Variants in HPSE2 observed in about 807,000 individuals in gnomAD.
HPSE2 encodes the protein heparanase 2 (inactive).
A neutral mutation model predicts 60.5 loss-of-function variants in HPSE2; 38 were observed. The observed-to-expected ratio is 0.63, with a 90% CI of 0.48 to 0.82. The LOEUF is 0.82. HPSE2 is among the 40% of genes least tolerant of loss of function. The probability of loss-of-function intolerance (pLI) is 0.00; values close to 1 mark genes in which losing one functional copy is unlikely to be tolerated. For missense variants in HPSE2, 713 were observed against 740.4 expected (o/e 0.96, Z 0.43); for synonymous variants, 295 against 293.2 (o/e 1.01, Z -0.06).
intron 5 of HPSE2, among the ~76,000 whole-genome samples, chr10:98,694,802 C>G (rs189791584): frequency 4.6e-5 from 7 of 152,310 alleles, no homozygotes; most frequent in Admixed American, 3.9e-4. Flanking sequence ...ATGGTTATAA[C>G]TACTAGTTGA....
intron 3 of HPSE2, among the ~76,000 whole-genome samples, chr10:98,758,144 G>T (rs927976167): frequency 6.6e-6 from 1 of 152,032 alleles, no homozygotes. Flanking sequence ...ATATGCAGAA[G>T]ATTGAAACTG....
At chr10:98,514,579 C>T (rs1942528713) in intron 9 of HPSE2, among the ~76,000 whole-genome samples, 1 of 152,086 alleles carries the variant, frequency 6.6e-6, no homozygotes, top group Non-Finnish European at 1.5e-5. Context: ...GAGATAATCA[C>T]AGATTTGTTC....
At position 99,091,270 on chromosome 10, in the gene HPSE2, T is replaced by C. The variant is rs114156266; in HGVS notation, c.610+52968A>G. ...TTTCGCACTCAAAGAGACATAGAACTACAACTAAACTTATTAAATGCCTAT... is the reference window on the plus strand; with the variant it reads ...TTTCGCACTCAAAGAGACATAGAACCACAACTAAACTTATTAAATGCCTAT... On this transcript the variant is annotated intron_variant, in intron 3 of 11. Coordinates refer to ENST00000370552, the MANE Select transcript of HPSE2 (RefSeq NM_021828.5). 4.5e-3 allele frequency among the ~76,000 whole-genome samples: 687 copies of C among 152,240 alleles called. 3 individuals are homozygous for C. Among genetic ancestry groups the C allele is most frequent in the African/African-American group, 0.016 (657 of 41,554 alleles).
intron 3 of HPSE2, among the ~76,000 whole-genome samples, chr10:99,110,106 T>C (rs1213231111): frequency 6.6e-6 from 1 of 152,236 alleles, no homozygotes; most frequent in African/African-American, 2.4e-5. Context: ...TATTAGTTCG[T>C]TGGTTTTTCC....
chr10:99,060,928 T>C (rs932587831), intron 3 of HPSE2, among the ~76,000 whole-genome samples: 53 of 152,084 alleles, frequency 3.5e-4, no homozygotes, highest in African/African-American at 1.2e-3. Flanking sequence ...AGTAGAATGA[T>C]GGTTATCAGA....
chr10:99,214,485 T>C (rs1290633253), intron 2 of HPSE2, among the ~76,000 whole-genome samples: 3 of 152,228 alleles, frequency 2.0e-5, no homozygotes, highest in Admixed American at 6.5e-5. Flanking sequence ...GGTATATTCA[T>C]ACAGTGGAAT....
At chr10:98,549,661 G>A (rs963518556) in intron 9 of HPSE2, among the ~76,000 whole-genome samples, 2 of 152,074 alleles carry the variant, frequency 1.3e-5, no homozygotes, top group Non-Finnish European at 2.9e-5. Flanking sequence ...TTCATCACTA[G>A]TAGACTTCCA....
the HPSE2 span, among the ~76,000 whole-genome samples, chr10:99,311,757 A>C: frequency 6.6e-6 from 1 of 152,258 alleles, no homozygotes; most frequent in African/African-American, 2.4e-5. Flanking sequence ...ATCAAAAGCT[A>C]GAAATAATTA....
intron 9 of HPSE2, among the ~76,000 whole-genome samples, chr10:98,585,371 A>G (rs1944910824): frequency 6.6e-6 from 1 of 151,470 alleles, no homozygotes; most frequent in African/African-American, 2.4e-5. Context: ...TCCCAGGTTC[A>G]AGTGATTCTT....
In HPSE2 at chr10:98,459,627, T is replaced by C. The variant is rs751055421; in HGVS notation, c.1726A>G (p.Met576Val). 41 of 1,614,000 alleles carry C rather than the reference T, an allele frequency of 2.5e-5. No individual in the cohort carries two copies. The highest frequency in any genetic ancestry group is 3.1e-5 in the Non-Finnish European group (37 of 1,180,026). The change falls in exon 12 of 12, where the codon ATG (methionine) becomes GTG (valine). Residue 576 changes from methionine (M) to valine (V), a missense_variant. Physicochemically the swap from Met to Val is conservative, Grantham distance 21 (BLOSUM62 1). Coordinates refer to ENST00000370552, the MANE Select transcript of HPSE2 (RefSeq NM_021828.5). ...ACATTCTTGACCACATAAAAGCCCA[T>C]GGTGACTGGAGGGATGACCAATGTC... ...GRTLVIPPVT[M>V]GFYVVKNVNA...
chr10:98,849,209 A>G (rs955387559), intron 3 of HPSE2, among the ~76,000 whole-genome samples: 1 of 152,186 alleles, frequency 6.6e-6, no homozygotes, highest in African/African-American at 2.4e-5. Context: ...CATGAAAGTT[A>G]ATGATACCTT....
intron 7 of HPSE2, among the ~76,000 whole-genome samples, chr10:98,621,059 A>G (rs903719276): frequency 6.6e-6 from 1 of 152,144 alleles, no homozygotes; most frequent in African/African-American, 2.4e-5. Context: ...TTGAGAAACA[A>G]TGCTTTTCAG....
intron 2 of HPSE2, among the ~76,000 whole-genome samples, chr10:99,192,622 T>C (rs993467356): frequency 3.3e-5 from 5 of 151,960 alleles, no homozygotes; most frequent in Admixed American, 2.6e-4. Context: ...TTATTTTGTA[T>C]AGATGGTGTT....
At chr10:99,035,942 T>A (rs1483005251) in intron 3 of HPSE2, among the ~76,000 whole-genome samples, 1 of 152,208 alleles carries the variant, frequency 6.6e-6, no homozygotes, top group Middle Eastern at 3.2e-3. Flanking sequence ...CTGAGCCTGG[T>A]GGCCTATGCC....
Position 99,112,492 on chromosome 10 carries a change from T to C in HPSE2, c.610+31746A>G, listed in dbSNP as rs190712625. ...TTTTAGTAGAGACGGGGTTTCACCATGTGAGCCAGGATGGTCTTGATCTCC... is the reference window on the plus strand; with the variant it reads ...TTTTAGTAGAGACGGGGTTTCACCACGTGAGCCAGGATGGTCTTGATCTCC... On this transcript the variant is annotated intron_variant, in intron 3 of 11. Transcript: ENST00000370552. Among the ~76,000 whole-genome samples the C allele has an allele frequency of 2.7e-3, 412 of 152,220 alleles. 1 individual carries two copies. The highest frequency in any genetic ancestry group is 9.7e-3 in the African/African-American group (401 of 41,516).
intron 6 of HPSE2, among the ~76,000 whole-genome samples, chr10:98,647,075 T>C (rs1946789930): frequency 1.3e-5 from 2 of 152,206 alleles, no homozygotes; most frequent in African/African-American, 2.4e-5. Flanking sequence ...GTTAGCAAGA[T>C]TACAGACTCC....
intron 3 of HPSE2, among the ~76,000 whole-genome samples, chr10:98,840,033 C>T (rs952750913): frequency 6.6e-6 from 1 of 152,130 alleles, no homozygotes; most frequent in Admixed American, 6.5e-5. Context: ...CAAATATGGA[C>T]ATTAGGACTT....
At chr10:98,555,525 T>C (rs1300514699) in intron 9 of HPSE2, among the ~76,000 whole-genome samples, 1 of 152,236 alleles carries the variant, frequency 6.6e-6, no homozygotes, top group East Asian at 1.9e-4. Flanking sequence ...CGGGATTCGT[T>C]TGTCCATTAA....
chr10:98,684,663 A>C (rs1185686643), intron 6 of HPSE2, among the ~76,000 whole-genome samples: 16 of 152,124 alleles, frequency 1.1e-4, no homozygotes, highest in Admixed American at 8.5e-4. Context: ...CTTCCATAGG[A>C]GCATCAGACT....
Sources: allele counts gnomAD v4.1 joint callset (sites outside exome capture counted in the v4.1 genomes callset), GRCh38; gene constraint gnomAD v4.1.1; transcripts MANE v1.5; gene names NCBI Gene and HGNC (gene_info 2026-07-23, HGNC 2026-07-21).